The following WDR27 variants were observed in gnomAD, a reference collection of about 807,000 sequenced individuals.
The protein encoded by WDR27 is WD repeat domain 27, also known as WD repeat-containing protein 27.
A neutral mutation model predicts 114.4 loss-of-function variants in WDR27; 100 were observed. That is an observed-to-expected ratio of 0.87 (90% CI 0.74 to 1.03). The LOEUF is 1.03. Ranked by LOEUF, WDR27 falls within the 50% of genes least tolerant of loss-of-function variation. The pLI is 0.00. For synonymous variants in WDR27, 449 were observed against 423.1 expected, an observed-to-expected ratio of 1.06 and a Z score of -0.75; for missense variants, 1,129 against 1,092.9, an observed-to-expected ratio of 1.03 and a Z score of -0.47.
At chr6:169,679,391 A>G (rs1284192583) in intron 2 of WDR27, among the ~76,000 whole-genome samples, 2 of 152,222 alleles carry the variant, frequency 1.3e-5, no homozygotes, top group African/African-American at 4.8e-5. Context: ...ATATTTTGCA[A>G]TGTGAGAAGG....
At chr6:169,617,098 C>A (rs1812013566) in intron 21 of WDR27, among the ~76,000 whole-genome samples, 1 of 152,080 alleles carries the variant, frequency 6.6e-6, no homozygotes, top group Non-Finnish European at 1.5e-5. Context: ...GGATCAATAC[C>A]TAGGGTTCGT....
In WDR27 at chr6:169,457,501, T is replaced by C. The variant is rs1313219334; in HGVS notation, c.*91A>G. ...AAATATGAAAAACAGTTGCTGCTTC[T>C]GGCCCCCTGATGGATGAACCACTAC... On this transcript the variant is annotated 3_prime_UTR_variant, in exon 26 of 26. Transcript: ENST00000448612. 4.5e-6 allele frequency: 5 copies of C among 1,115,618 alleles called. No homozygotes were observed. The South Asian group carries it at 4.8e-5, about 11-fold the overall frequency. 69.1% of individuals were successfully genotyped at this position (1,115,618 alleles called of 1,614,324 possible).
At chr6:169,647,094 C>T (rs1241022058) in intron 16 of WDR27, among the ~76,000 whole-genome samples, 2 of 152,100 alleles carry the variant, frequency 1.3e-5, no homozygotes, top group Admixed American at 6.5e-5. Flanking sequence ...TTCTGAGAGG[C>T]GTTCAGGTGG....
intron 1 of WDR27, among the ~76,000 whole-genome samples, chr6:169,691,964 AT>A (rs1342038132): frequency 3.3e-5 from 5 of 152,252 alleles, no homozygotes; most frequent in African/African-American, 1.2e-4. Flanking sequence ...ACCAAAAAAA[AT>A]GAAAGAATTC....
intron 25 of WDR27, among the ~76,000 whole-genome samples, chr6:169,569,248 A>T (rs1435675488): frequency 6.6e-6 from 1 of 152,174 alleles, no homozygotes; most frequent in Non-Finnish European, 1.5e-5. Flanking sequence ...TTCATTAAAC[A>T]CTTAACGTTT....
chr6:169,568,101 T>C (rs935667595), intron 25 of WDR27, among the ~76,000 whole-genome samples: 1 of 152,132 alleles, frequency 6.6e-6, no homozygotes, highest in African/African-American at 2.4e-5. Flanking sequence ...TCAGCAGGGC[T>C]TGGGGAGACC....
chr6:169,686,022 TC>T (rs1782851159), intron 2 of WDR27, among the ~76,000 whole-genome samples: 1 of 152,152 alleles, frequency 6.6e-6, no homozygotes, highest in Admixed American at 6.5e-5. Context: ...ACCTTACAGT[TC>T]AGGAGAGAAC....
In WDR27 at chr6:169,660,738, A is replaced by T; in HGVS notation, c.1054T>A (p.Trp352Arg). The change falls in exon 10 of 26, where the codon TGG becomes AGG. Residue 352 changes from tryptophan (W) to arginine (R), a missense_variant. By Grantham distance (101) the Trp-to-Arg change is moderately radical (BLOSUM62 -3). Coordinates refer to ENST00000448612, the MANE Select transcript of WDR27 (RefSeq NM_182552.5). ...CLSSENTRCV[W>R]IGSSVGLFVF... Reference sequence around the variant, plus strand: ...AATAAGCCCACTGAGCTTCCGATCCACACACATCGGGTGTTCTCAGAAGAA... The same window carrying T: ...AATAAGCCCACTGAGCTTCCGATCCTCACACATCGGGTGTTCTCAGAAGAA... 6.2e-7 allele frequency: 1 copy of T among 1,613,894 alleles called. No individual in the cohort carries two copies. The highest frequency in any genetic ancestry group is 8.5e-7 in the Non-Finnish European group (1 of 1,179,852).
chr6:169,461,826 T>C (rs1330758310), intron 25 of WDR27, among the ~76,000 whole-genome samples: 2 of 151,524 alleles, frequency 1.3e-5, no homozygotes, highest in African/African-American at 4.8e-5. Context: ...AACAAAAAAA[T>C]GATTCAATGA....
Position 169,457,376 on chromosome 6 carries a change from G to C in WDR27, c.*216C>G. The C allele has an allele frequency of 2.4e-6, 1 of 424,148 alleles. No homozygotes were observed. The highest frequency in any genetic ancestry group is 6.0e-5 in the South Asian group (1 of 16,748). 26.3% of individuals were successfully genotyped at this position (424,148 alleles called of 1,614,324 possible). A position where few individuals can be genotyped will look rare whatever the true frequency, so the allele number is the denominator to read the frequency against. ...TGGACGCCATTTCCATTTTCCCAAT[G>C]AAGGGGATCCCTTTTGAGGAGCAGA... On this transcript the variant is annotated 3_prime_UTR_variant, in exon 26 of 26. Coordinates refer to ENST00000448612, the MANE Select transcript of WDR27 (RefSeq NM_182552.5).
intron 25 of WDR27, among the ~76,000 whole-genome samples, chr6:169,520,691 C>T (rs1014677311): frequency 2.0e-4 from 30 of 151,644 alleles, no homozygotes; most frequent in African/African-American, 7.0e-4. Flanking sequence ...AAAAAATTAA[C>T]AAAGCGATTA....
intron 25 of WDR27, among the ~76,000 whole-genome samples, chr6:169,458,006 A>AGGAGGAGGAGGAGGTGGT (rs869143503): frequency 1.4e-5 from 2 of 139,874 alleles, no homozygotes; most frequent in South Asian, 2.4e-4. Flanking sequence ...GAGGAGGAGG[A>AGGAGGAGGAGGAGGTGGT]GGTGGTGGTG....
chr6:169,555,241 G>A (rs1798710914), intron 25 of WDR27, among the ~76,000 whole-genome samples: 1 of 152,142 alleles, frequency 6.6e-6, no homozygotes, highest in Non-Finnish European at 1.5e-5. Context: ...TCATTTCAGG[G>A]GATGTCTCAG....
At chr6:169,673,238 G>T (rs1226498832) in intron 2 of WDR27, among the ~76,000 whole-genome samples, 1 of 152,022 alleles carries the variant, frequency 6.6e-6, no homozygotes, top group African/African-American at 2.4e-5. Context: ...TGGGACTGGG[G>T]GTCCATAGTA....
Position 169,618,249 on chromosome 6 carries a change from TAC to T in WDR27, c.2224-4595_2224-4594del, listed in dbSNP as rs544972748. ...TCATTAAAAAAGCTGTTTAAACTTT[TAC>T]ACATTGTTTTTAATTAAAATTAGCT... On this transcript the variant is annotated intron_variant, in intron 21 of 25. Transcript: ENST00000448612. 2.2e-3 allele frequency among the ~76,000 whole-genome samples: 341 copies of T among 152,358 alleles called. 3 individuals carry two copies. The highest frequency in any genetic ancestry group is 7.7e-3 in the African/African-American group (319 of 41,594).
At chr6:169,450,055 TC>T in the WDR27 span, among the ~76,000 whole-genome samples, 1 of 152,218 alleles carries the variant, frequency 6.6e-6, no homozygotes, top group Non-Finnish European at 1.5e-5. Context: ...CAAAATCTAT[TC>T]TTTTGCAATT....
intron 13 of WDR27, among the ~76,000 whole-genome samples, chr6:169,655,209 GGC>G (rs1291480993): frequency 1.3e-5 from 2 of 152,230 alleles, no homozygotes; most frequent in Non-Finnish European, 2.9e-5. Context: ...ATGCAGCCAT[GGC>G]AAGAGCTCCG....
chr6:169,575,366 CTCCA>C (rs1300464665), intron 24 of WDR27, among the ~76,000 whole-genome samples: 16 of 130,176 alleles, frequency 1.2e-4, no homozygotes, highest in South Asian at 3.1e-4. Context: ...CTCTCTCTCT[CTCCA>C]TCCATCCATC....
At chr6:169,697,954 C>A (rs1351909049) in intron 1 of WDR27, among the ~76,000 whole-genome samples, 1 of 152,200 alleles carries the variant, frequency 6.6e-6, no homozygotes, top group Non-Finnish European at 1.5e-5. Flanking sequence ...GAGAGACCCA[C>A]TGACCCTGCG....
Sources: gnomAD v4.1 joint callset for allele counts (sites outside exome capture counted in the v4.1 genomes callset) on GRCh38, gnomAD v4.1.1 for gene constraint, MANE v1.5 for transcripts, NCBI Gene and HGNC (gene_info 2026-07-23, HGNC 2026-07-21) for gene names.